TBK1: variants seen among roughly 807,000 people sequenced by gnomAD.
TBK1 encodes the protein serine/threonine-protein kinase TBK1.
In TBK1, 37 loss-of-function variants were observed where a neutral mutation model predicts 99.9. The ratio of observed to expected loss-of-function variants is 0.37; its 90% CI spans 0.28 to 0.49. The LOEUF is 0.49. Ranked by LOEUF, TBK1 falls within the 20% of genes least tolerant of loss-of-function variation. TBK1 has a pLI of 0.98. For missense variants in TBK1, 644 were observed against 872.5 expected, an observed-to-expected ratio of 0.74 and a Z score of 3.30; for synonymous variants, 258 against 279.8, an observed-to-expected ratio of 0.92 and a Z score of 0.78.
chr12:64,485,561 C>T, intron 10 of TBK1, 48 bp downstream of exon 10: 2 of 963,390 alleles, frequency 2.1e-6, no homozygotes, highest in Non-Finnish European at 3.1e-6. Context: ...TTTAATGTAT[C>T]CTATCAATAG....
chr12:64,470,147 G>T (rs963711411), intron 5 of TBK1, among the ~76,000 whole-genome samples: 1 of 152,040 alleles, frequency 6.6e-6, no homozygotes, highest in South Asian at 2.1e-4. Flanking sequence ...GTGATCAGGG[G>T]GCTAGCCAGA....
chr12:64,501,186 AAGAAAT>A lies in TBK1; in HGVS notation c.2139-139_2139-134del, dbSNP rs1218262974. Reference sequence around the variant, plus strand: ...TATGATAATACCATGCTGTTCCAGTAAGAAATAGAACAAATCATAGTTACTTAAACT... The same window carrying A: ...TATGATAATACCATGCTGTTCCAGTAAGAACAAATCATAGTTACTTAAACT... On this transcript the variant is annotated intron_variant, in intron 20 of 20. Coordinates refer to ENST00000331710, the MANE Select transcript of TBK1 (RefSeq NM_013254.4). 9 of 728,456 alleles carry A rather than the reference AAGAAAT, an allele frequency of 1.2e-5. No homozygotes were observed. In the East Asian group the frequency reaches 2.4e-4, roughly 20 times the overall value. 45.1% of individuals were successfully genotyped at this position (728,456 alleles called of 1,614,324 possible).
rs189011107 is a variant in TBK1, at chr12:64,474,194, A to G, written c.541-36A>G. 20 of 1,577,476 alleles carry G rather than the reference A, an allele frequency of 1.3e-5. No homozygotes were observed. The East Asian group carries it at 4.3e-4, about 34-fold the overall frequency. ...TTGTTTGTATAATGAAATGGGTCAC[A>G]GGTTCATGATTTTTTTCTTTTTTTT... On this transcript the variant is annotated intron_variant, in intron 5 of 20. Transcript: ENST00000331710.
intron 9 of TBK1, 82 bp downstream of exon 9, chr12:64,484,581 C>A: frequency 1.5e-6 from 2 of 1,366,880 alleles, no homozygotes; most frequent in Non-Finnish European, 9.8e-7. Flanking sequence ...GACCTTGTCT[C>A]TACAAAAAAA....
chr12:64,479,878 C>G, intron 6 of TBK1, 134 bp from the exon 7 acceptor site: 1 of 569,908 alleles, frequency 1.8e-6, no homozygotes, highest in South Asian at 2.4e-5. Context: ...TTTTATGGAT[C>G]CTGTGAGCAT....
In TBK1 at chr12:64,488,546, C is replaced by G; in HGVS notation, c.1400C>G (p.Thr467Arg). 1.2e-6 allele frequency: 2 copies of G among 1,606,304 alleles called. No homozygotes were observed. Among genetic ancestry groups the G allele is most frequent in the Non-Finnish European group, 1.7e-6 (2 of 1,177,260 alleles). Residue 467 changes from threonine to arginine, a missense_variant, in exon 12 of 21, where the codon ACA becomes AGA. Around this residue, in one of 3 missense-constraint regions of TBK1, gnomAD observed 465 missense variants for 588.0 expected, o/e 0.79. Transcript: ENST00000331710. Reference sequence around the variant, plus strand: ...CACAAAAAGACAGAAGTTGTGATCACATTGGATTTCTGTATCAGAAACATT... The same window carrying G: ...CACAAAAAGACAGAAGTTGTGATCAGATTGGATTTCTGTATCAGAAACATT... Reference protein sequence around the residue: ...TVHKKTEVVITLDFCIRNIEK... With the variant: ...TVHKKTEVVIRLDFCIRNIEK...
chr12:64,482,597 C>T (rs919258359), intron 8 of TBK1, among the ~76,000 whole-genome samples: 1 of 152,094 alleles, frequency 6.6e-6, no homozygotes, highest in Non-Finnish European at 1.5e-5. Flanking sequence ...ACCATATATA[C>T]AACACTGGTT....
At chr12:64,473,508 G>T (rs1282468006) in intron 5 of TBK1, among the ~76,000 whole-genome samples, 1 of 152,168 alleles carries the variant, frequency 6.6e-6, no homozygotes, top group East Asian at 1.9e-4. Context: ...TTAAATAAGT[G>T]GGATAATTAC....
chr12:64,473,538 TG>T (rs1262519431), intron 5 of TBK1, among the ~76,000 whole-genome samples: 1 of 152,196 alleles, frequency 6.6e-6, no homozygotes, highest in Admixed American at 6.5e-5. Flanking sequence ...TTTCTGGAAT[TG>T]GCAAGATGAT....
At chr12:64,488,898 A>C (rs2040843391) in intron 12 of TBK1, among the ~76,000 whole-genome samples, 1 of 152,218 alleles carries the variant, frequency 6.6e-6, no homozygotes, top group South Asian at 2.1e-4. Flanking sequence ...AGGCTGAGGC[A>C]GGAGAATCGC....
intron 10 of TBK1, 86 bp from the exon 11 acceptor site, chr12:64,485,840 T>A (rs2040815391): frequency 6.5e-6 from 6 of 924,836 alleles, no homozygotes; most frequent in Non-Finnish European, 9.4e-6. Context: ...GATAAAAATG[T>A]GTAAGCTTGA....
intron 7 of TBK1, 127 bp from the exon 8 acceptor site, chr12:64,481,714 AT>A (rs2040769450): frequency 3.1e-6 from 2 of 641,080 alleles, no homozygotes; most frequent in African/African-American, 1.9e-5. Context: ...CAGATTTTAA[AT>A]TTTTTAAATT....
intron 6 of TBK1, among the ~76,000 whole-genome samples, chr12:64,476,006 A>G (rs2040708054): frequency 1.3e-5 from 2 of 152,040 alleles, no homozygotes; most frequent in African/African-American, 2.4e-5. Flanking sequence ...CCTTTTCTCC[A>G]CAACCTCACC....
rs776256005 is a variant in TBK1, at chr12:64,497,272, G to A, written c.1959+13G>A. ...ATATACTAATGAGGTAGGTACAGCT[G>A]TCAAGGAAAAATTAAAATTCTTCTC... On this transcript the variant is annotated intron_variant, in intron 18 of 20. Transcript: ENST00000331710. 19 of 1,501,992 alleles carry A rather than the reference G, an allele frequency of 1.3e-5. No homozygotes were observed. Among genetic ancestry groups the A allele is most frequent in the East Asian group, 2.3e-5 (1 of 43,050 alleles). 93.0% of individuals were successfully genotyped at this position (1,501,992 alleles called of 1,614,324 possible).
chr12:64,469,073 T>G (rs2040635243), intron 5 of TBK1, among the ~76,000 whole-genome samples: 1 of 152,108 alleles, frequency 6.6e-6, no homozygotes, highest in African/African-American at 2.4e-5. Flanking sequence ...GTCCTCTGGC[T>G]GTCTGAGTTG....
intron 5 of TBK1, among the ~76,000 whole-genome samples, 173 bp from the exon 6 acceptor site, chr12:64,474,057 G>T (rs927079752): frequency 4.6e-5 from 7 of 152,176 alleles, no homozygotes; most frequent in Non-Finnish European, 1.0e-4. Flanking sequence ...GATCAAAGGA[G>T]GTGGTGGAGG....
chr12:64,482,124 A>G lies in TBK1; in HGVS notation c.992+103A>G, dbSNP rs1319779842. 5.5e-6 allele frequency: 4 copies of G among 721,174 alleles called. No individual in the cohort carries two copies. In the East Asian group the frequency reaches 1.4e-4, roughly 24 times the overall value. 44.7% of individuals were successfully genotyped at this position (721,174 alleles called of 1,614,324 possible). A position where few individuals can be genotyped will look rare whatever the true frequency, so the allele number is the denominator to read the frequency against. On this transcript the variant is annotated intron_variant, in intron 8 of 20. Transcript: ENST00000331710. ...AAGATGCCTCAGCTTCACCAAAAGT[A>G]CCCATTTCCCACATGGAAAATTATA...
rs566163387 is a variant in TBK1, at chr12:64,457,689, A to G, written c.87+1732A>G. ...AATAGTGATAGAGACTGGATGAGAC[A>G]TATTGAAAGGGCCTGGCACTAGAAG... On this transcript the variant is annotated intron_variant, in intron 2 of 20. Coordinates refer to ENST00000331710, the MANE Select transcript of TBK1 (RefSeq NM_013254.4). Among the ~76,000 whole-genome samples the G allele has an allele frequency of 6.3e-4, 96 of 152,318 alleles. 1 individual carries two copies. In the South Asian group the frequency reaches 0.019, roughly 30 times the overall value.
At chr12:64,491,287 C>A (rs1358208607) in intron 13 of TBK1, among the ~76,000 whole-genome samples, 1 of 152,022 alleles carries the variant, frequency 6.6e-6, no homozygotes, top group African/African-American at 2.4e-5. Flanking sequence ...CCCTGCCCGT[C>A]TTATGGGTTG....
Sources: gnomAD v4.1 joint callset for allele counts (sites outside exome capture counted in the v4.1 genomes callset) on GRCh38, gnomAD v4.1.1 for gene constraint, gnomAD v4.1.1 regional missense constraint, MANE v1.5 for transcripts, NCBI Gene and HGNC (gene_info 2026-07-23, HGNC 2026-07-21) for gene names.